TRDMT1: variants seen among roughly 807,000 people sequenced by gnomAD.
TRDMT1 encodes tRNA (cytosine(38)-C(5))-methyltransferase.
Under a neutral mutation model 51.2 loss-of-function variants are expected in TRDMT1, and 49 were observed. The observed-to-expected ratio is 0.96, with a 90% CI of 0.76 to 1.21. TRDMT1 has a LOEUF of 1.21. TRDMT1 is among the 50% of genes most tolerant of loss of function. The pLI is 0.00. For synonymous variants in TRDMT1, 187 were observed against 164.6 expected, an observed-to-expected ratio of 1.14 and a Z score of -1.04; for missense variants, 534 against 462.3, an observed-to-expected ratio of 1.16 and a Z score of -1.42.
intron 3 of TRDMT1, among the ~76,000 whole-genome samples, chr10:17,168,539 G>A (rs750508687): frequency 7.2e-5 from 11 of 152,086 alleles, no homozygotes; most frequent in Admixed American, 2.6e-4. Context: ...GGACGGACCC[G>A]GTGGGAGGTA....
chr10:17,189,281 T>G (rs775171143), intron 1 of TRDMT1, among the ~76,000 whole-genome samples: 14 of 152,200 alleles, frequency 9.2e-5, no homozygotes, highest in Non-Finnish European at 1.8e-4. Flanking sequence ...ATCACAAGCG[T>G]TTTGAATTTA....
At chr10:17,185,394 G>A (rs1024078541) in intron 1 of TRDMT1, among the ~76,000 whole-genome samples, 2 of 150,216 alleles carry the variant, frequency 1.3e-5, no homozygotes, top group African/African-American at 4.9e-5. Flanking sequence ...CAGTTAGAAT[G>A]GCGATCATTA....
chr10:17,198,636 A>G (rs7072113), intron 1 of TRDMT1, among the ~76,000 whole-genome samples: 122,125 of 152,092 alleles, frequency 0.8, 49,368 homozygotes, highest in Middle Eastern at 0.88. Context: ...GTTACCAGGG[A>G]CTGGGGGGAA....
intron 1 of TRDMT1, among the ~76,000 whole-genome samples, chr10:17,190,221 C>T (rs1216614874): frequency 6.6e-6 from 1 of 152,072 alleles, no homozygotes. Flanking sequence ...TAGCACTTTT[C>T]ACCAATATTT....
Position 17,142,948 on chromosome 10 carries a change from A to T in TRDMT1, c.*6092T>A. ...TTTCAGGGAGGAGCAGGGAGAAATAAATCTACACTCTCTTGTCAAGACCAG... is the reference window on the plus strand; with the variant it reads ...TTTCAGGGAGGAGCAGGGAGAAATATATCTACACTCTCTTGTCAAGACCAG... On this transcript the variant is annotated 3_prime_UTR_variant, in exon 11 of 11. Coordinates refer to ENST00000377799, the MANE Select transcript of TRDMT1 (RefSeq NM_004412.7). 1 of 969,888 alleles carries T rather than the reference A, an allele frequency of 1.0e-6. No homozygotes were observed. 60.1% of individuals were successfully genotyped at this position (969,888 alleles called of 1,614,324 possible). A position where few individuals can be genotyped will look rare whatever the true frequency, so the allele number is the denominator to read the frequency against.
At chr10:17,185,834 C>T (rs1226774750) in intron 1 of TRDMT1, among the ~76,000 whole-genome samples, 1 of 152,064 alleles carries the variant, frequency 6.6e-6, no homozygotes, top group African/African-American at 2.4e-5. Flanking sequence ...CACATTCTCA[C>T]TCATAGGTGG....
rs201791297 is a variant in TRDMT1, at chr10:17,138,649, T to A, written c.*10391A>T. On this transcript the variant is annotated 3_prime_UTR_variant, in exon 11 of 11. Transcript: ENST00000377799. ...TGACTACAATTATCTTTGAGTAGAA[T>A]GAAAAAGAATTATGAGTTAATCATT... 1.2e-5 allele frequency among the ~76,000 whole-genome samples: 1 copy of A among 82,008 alleles called. No homozygotes were observed. The highest frequency in any genetic ancestry group is 3.1e-5 in the Non-Finnish European group (1 of 32,288). 53.8% of individuals were successfully genotyped at this position (82,008 alleles called of 152,430 possible).
At position 17,144,618 on chromosome 10, in the gene TRDMT1, G is replaced by A; in HGVS notation, c.*4422C>T. 2.0e-6 allele frequency: 2 copies of A among 985,358 alleles called. No homozygotes were observed. Among genetic ancestry groups the A allele is most frequent in the Non-Finnish European group, 2.4e-6 (2 of 829,888 alleles). The allele number at this position is 985,358 out of a possible 1,614,324, so 61.0% of individuals were successfully genotyped here. A position where few individuals can be genotyped will look rare whatever the true frequency, so the allele number is the denominator to read the frequency against. On this transcript the variant is annotated 3_prime_UTR_variant, in exon 11 of 11. Coordinates refer to ENST00000377799, the MANE Select transcript of TRDMT1 (RefSeq NM_004412.7). ...ACTTGGGGAATACAAAGCCAAAACA[G>A]CTCATTGTACATGCTCATATTTCTT...
In TRDMT1 at chr10:17,161,559, A is replaced by G; in HGVS notation, c.324-11T>C. The G allele has an allele frequency of 8.1e-7, 1 of 1,230,432 alleles. No homozygotes were observed. Among genetic ancestry groups the G allele is most frequent in the Non-Finnish European group, 1.1e-6 (1 of 904,240 alleles). The allele number at this position is 1,230,432 out of a possible 1,614,324, so 76.2% of individuals were successfully genotyped here. A position where few individuals can be genotyped will look rare whatever the true frequency, so the allele number is the denominator to read the frequency against. ...GGTAATTTTTGTAATCTATAAAAAA[A>G]TAAACAAATGGAATTCTAAATATCT... On this transcript the variant is annotated splice_polypyrimidine_tract_variant and intron_variant, in intron 4 of 10. Coordinates refer to ENST00000377799, the MANE Select transcript of TRDMT1 (RefSeq NM_004412.7).
rs1269997898 is a variant in TRDMT1 at position 17,143,816 on chromosome 10, G to C, written c.*5224C>G. On this transcript the variant is annotated 3_prime_UTR_variant, in exon 11 of 11. Transcript: ENST00000377799. ...AAGATGATCTTTGGTTATGAAGCTT[G>C]AACTTGGAAGATGTGGAGACTAACC... The C allele has an allele frequency of 1.0e-5, 10 of 985,322 alleles. No homozygotes were observed. The highest frequency in any genetic ancestry group is 1.2e-4 in the Admixed American group (2 of 16,266). The allele number at this position is 985,322 out of a possible 1,614,324, so 61.0% of individuals were successfully genotyped here. A position where few individuals can be genotyped will look rare whatever the true frequency, so the allele number is the denominator to read the frequency against.
intron 1 of TRDMT1, among the ~76,000 whole-genome samples, chr10:17,189,245 T>C (rs1844362956): frequency 6.6e-6 from 1 of 152,212 alleles, no homozygotes; most frequent in Non-Finnish European, 1.5e-5. Context: ...TTGTATTTTG[T>C]TTTTGTTCTT....
rs950943144 is a variant in TRDMT1, at chr10:17,143,931, T to C, written c.*5109A>G. 5.1e-6 allele frequency: 5 copies of C among 985,316 alleles called. No homozygotes were observed. The African/African-American group carries it at 5.2e-5, about 10-fold the overall frequency. The allele number at this position is 985,316 out of a possible 1,614,324, so 61.0% of individuals were successfully genotyped here. On this transcript the variant is annotated 3_prime_UTR_variant, in exon 11 of 11. Coordinates refer to ENST00000377799, the MANE Select transcript of TRDMT1 (RefSeq NM_004412.7). ...CATGCTAAATTTGATGCAAATCCGA[T>C]ACAACTTGAATAGCAAGATATCCAA...
At chr10:17,161,397 G>T (rs1161132455) in intron 5 of TRDMT1, 86 bp downstream of exon 5, 2 of 1,026,102 alleles carry the variant, frequency 1.9e-6, no homozygotes, top group Admixed American at 4.0e-5. Flanking sequence ...TGTATGCACT[G>T]GTTTTTAAGA....
At chr10:17,167,795 T>C (rs1841413478) in intron 3 of TRDMT1, among the ~76,000 whole-genome samples, 2 of 152,244 alleles carry the variant, frequency 1.3e-5, no homozygotes, top group Admixed American at 1.3e-4. Context: ...TGAATATTTA[T>C]TGTGGAAATT....
At chr10:17,184,910 T>C (rs903395676) in intron 1 of TRDMT1, among the ~76,000 whole-genome samples, 1 of 152,204 alleles carries the variant, frequency 6.6e-6, no homozygotes, top group Non-Finnish European at 1.5e-5. Flanking sequence ...CTGATGAAGA[T>C]TTAGAATATG....
At position 17,144,034 on chromosome 10, in the gene TRDMT1, G is replaced by A. The variant is rs776927057; in HGVS notation, c.*5006C>T. 4.6e-4 allele frequency: 449 copies of A among 985,292 alleles called. No homozygotes were observed. Among genetic ancestry groups the A allele is most frequent in the Non-Finnish European group, 5.0e-4 (411 of 829,952 alleles). The allele number at this position is 985,292 out of a possible 1,614,324, so 61.0% of individuals were successfully genotyped here. A position where few individuals can be genotyped will look rare whatever the true frequency, so the allele number is the denominator to read the frequency against. On this transcript the variant is annotated 3_prime_UTR_variant, in exon 11 of 11. Transcript: ENST00000377799. ...GATTTAGAGTCATCTGGGTGTCATC[G>A]GCAAAATGGCTGAAGTTGTAGGAAA...
intron 1 of TRDMT1, among the ~76,000 whole-genome samples, chr10:17,194,089 T>G (rs965851943): frequency 2.0e-5 from 3 of 152,174 alleles, no homozygotes; most frequent in African/African-American, 7.2e-5. Flanking sequence ...GGTGCTAGGA[T>G]AGCTGGCTAG....
At chr10:17,152,059 T>A (rs1421677582) in intron 10 of TRDMT1, 1 of 1,301,850 alleles carries the variant, frequency 7.7e-7, no homozygotes, top group Non-Finnish European at 1.0e-6. Context: ...ATTGAATAGT[T>A]AATCTCTTTT....
chr10:17,180,660 A>G (rs559563760), intron 1 of TRDMT1, among the ~76,000 whole-genome samples: 2 of 152,238 alleles, frequency 1.3e-5, no homozygotes, highest in East Asian at 1.9e-4. Context: ...ATAACTGTCT[A>G]TTAGGAGAGA....
Sources: gnomAD v4.1 joint callset for allele counts (sites outside exome capture counted in the v4.1 genomes callset) on GRCh38, gnomAD v4.1.1 for gene constraint, MANE v1.5 for transcripts, NCBI Gene and HGNC (gene_info 2026-07-23, HGNC 2026-07-21) for gene names.